Variants in PCDH15 observed in about 807,000 individuals in gnomAD.
PCDH15 encodes protocadherin related 15.
A neutral mutation model predicts 178.5 loss-of-function variants in PCDH15; 129 were observed. The ratio of observed to expected loss-of-function variants is 0.72; its 90% CI spans 0.63 to 0.84. The LOEUF (loss-of-function observed/expected upper bound fraction) is 0.84. Among genes scored for constraint, PCDH15 ranks in the 40% least tolerant of loss-of-function variants. PCDH15 has a pLI of 0.00. For missense variants in PCDH15, 2,230 were observed against 2,099.9 expected (o/e 1.06, Z -1.21); for synonymous variants, 800 against 732.0 (o/e 1.09, Z -1.50).
rs559703642 is a variant in PCDH15 at position 55,015,710 on chromosome 10, G to A, written c.-79-118210C>T. 2.3e-3 allele frequency among the ~76,000 whole-genome samples: 349 copies of A among 152,290 alleles called. 1 individual carries two copies. Among genetic ancestry groups the A allele is most frequent in the Non-Finnish European group, 3.4e-3 (233 of 68,012 alleles). ...AGAGAATGAGGAAACCACAGGAGAA[G>A]GTTGTTCCCTGCAGCTAGTATCAGT... On this transcript the variant is annotated intron_variant, in intron 2 of 5. Transcript: ENST00000458638.
intron 1 of PCDH15, among the ~76,000 whole-genome samples, chr10:54,743,685 T>C (rs1453512382): frequency 6.6e-6 from 1 of 152,038 alleles, no homozygotes; most frequent in African/African-American, 2.4e-5. Flanking sequence ...CAACATAATA[T>C]AGAGGCATAG....
At chr10:53,956,873 A>G (rs549688134) in intron 23 of PCDH15, among the ~76,000 whole-genome samples, 6 of 152,310 alleles carry the variant, frequency 3.9e-5, no homozygotes, top group African/African-American at 1.2e-4. Context: ...AAGAGAATCT[A>G]TTTGTAGTTA....
At chr10:54,456,257 G>A (rs1271652287) in intron 3 of PCDH15, among the ~76,000 whole-genome samples, 1 of 152,132 alleles carries the variant, frequency 6.6e-6, no homozygotes, top group Admixed American at 6.6e-5. Context: ...CTGAAGGGGG[G>A]GCATACCCTG....
intron 5 of PCDH15, among the ~76,000 whole-genome samples, chr10:54,368,250 G>T (rs1161565992): frequency 1.3e-5 from 2 of 151,844 alleles, no homozygotes. Flanking sequence ...AGAGGTTAAA[G>T]GCCCAAATGA....
chr10:54,563,305 G>A (rs2088491914), intron 2 of PCDH15, among the ~76,000 whole-genome samples: 1 of 151,914 alleles, frequency 6.6e-6, no homozygotes, highest in Admixed American at 6.6e-5. Flanking sequence ...AGCAATCCAA[G>A]GGCCTGGGGA....
At chr10:55,123,597 G>T (rs893382609) in intron 2 of PCDH15, among the ~76,000 whole-genome samples, 1 of 152,102 alleles carries the variant, frequency 6.6e-6, no homozygotes, top group Non-Finnish European at 1.5e-5. Flanking sequence ...TTATTTTGAA[G>T]AGTGGGATTC....
At chr10:54,799,805 C>T (rs563622334) in intron 1 of PCDH15, among the ~76,000 whole-genome samples, 2 of 152,200 alleles carry the variant, frequency 1.3e-5, no homozygotes, top group East Asian at 3.9e-4. Flanking sequence ...CACTTAGCCA[C>T]AACTTAAGCA....
At chr10:54,636,246 A>C (rs1358362933) in intron 2 of PCDH15, among the ~76,000 whole-genome samples, 2 of 151,862 alleles carry the variant, frequency 1.3e-5, no homozygotes, top group Non-Finnish European at 2.9e-5. Flanking sequence ...AATGGTATTT[A>C]TTTGTACAGT....
intron 1 of PCDH15, among the ~76,000 whole-genome samples, chr10:55,175,452 C>G (rs1166524161): frequency 6.6e-6 from 1 of 151,928 alleles, no homozygotes; most frequent in Non-Finnish European, 1.5e-5. Context: ...ATCACAAGGT[C>G]AGGAGTTTGA....
intron 3 of PCDH15, among the ~76,000 whole-genome samples, chr10:54,483,448 A>G (rs2136961545): frequency 6.6e-6 from 1 of 151,930 alleles, no homozygotes; most frequent in Non-Finnish European, 1.5e-5. Context: ...GAAATGGTAG[A>G]TTTTCATTTT....
intron 1 of PCDH15, among the ~76,000 whole-genome samples, chr10:54,790,395 T>A (rs936092633): frequency 2.0e-5 from 3 of 151,780 alleles, no homozygotes; most frequent in Non-Finnish European, 2.9e-5. Flanking sequence ...TTCCCTCATC[T>A]TTTAGAACAC....
intron 26 of PCDH15, among the ~76,000 whole-genome samples, chr10:53,885,839 C>T (rs575806313): frequency 1.3e-5 from 2 of 152,202 alleles, no homozygotes; most frequent in South Asian, 2.1e-4. Context: ...GAGAACTCAT[C>T]TGGTGACTTA....
At chr10:54,977,706 C>T (rs936472024) in intron 2 of PCDH15, among the ~76,000 whole-genome samples, 6 of 152,146 alleles carry the variant, frequency 3.9e-5, no homozygotes, top group African/African-American at 1.4e-4. Flanking sequence ...CTCGCTTTCA[C>T]GTTACTCTGT....
At chr10:55,395,219 GAGAGAGAGAGAGAA>G (rs1336433938) in intron 2 of PCDH15, among the ~76,000 whole-genome samples, 12 of 150,088 alleles carry the variant, frequency 8.0e-5, no homozygotes, top group Non-Finnish European at 1.2e-4. Context: ...GAGAGAGAGA[GAGAGAGAGAGAGAA>G]AGAGACTACG....
chr10:53,910,628 C>T (rs2083016190), intron 25 of PCDH15, among the ~76,000 whole-genome samples: 1 of 152,144 alleles, frequency 6.6e-6, no homozygotes, highest in Non-Finnish European at 1.5e-5. Flanking sequence ...CACAGCTCCT[C>T]ACAAGCAATG....
At chr10:55,170,591 G>GC (rs1315126593) in intron 1 of PCDH15, among the ~76,000 whole-genome samples, 1 of 152,106 alleles carries the variant, frequency 6.6e-6, no homozygotes, top group African/African-American at 2.4e-5. Context: ...CTGGTAGAAA[G>GC]CATAATTGAT....
intron 2 of PCDH15, among the ~76,000 whole-genome samples, chr10:55,359,503 A>G (rs913735316): frequency 1.4e-4 from 21 of 151,838 alleles, no homozygotes; most frequent in Non-Finnish European, 2.9e-4. Flanking sequence ...GTAAATTAGT[A>G]TAGCCAATAT....
intron 13 of PCDH15, among the ~76,000 whole-genome samples, chr10:54,169,776 A>C (rs1004724578): frequency 6.6e-6 from 1 of 152,006 alleles, no homozygotes; most frequent in Non-Finnish European, 1.5e-5. Flanking sequence ...AAAAAGATTA[A>C]AGCCTGTTAT....
At chr10:53,924,444 C>T (rs913664117) in intron 25 of PCDH15, among the ~76,000 whole-genome samples, 28 of 152,284 alleles carry the variant, frequency 1.8e-4, no homozygotes, top group Admixed American at 4.6e-4. Flanking sequence ...ACCTGCAGCC[C>T]GCCATGCTGG....
Sources: allele counts gnomAD v4.1 joint callset (sites outside exome capture counted in the v4.1 genomes callset), GRCh38; gene constraint gnomAD v4.1.1; transcripts MANE v1.5; gene names NCBI Gene and HGNC (gene_info 2026-07-23, HGNC 2026-07-21).